The following KCNV2 variants were observed in gnomAD, a reference collection of about 807,000 sequenced individuals.
The protein encoded by KCNV2 is potassium voltage-gated channel subfamily V member 2.
Under a neutral mutation model 37.0 loss-of-function variants are expected in KCNV2, and 65 were observed. That is an observed-to-expected ratio of 1.76 (90% CI 1.44 to 2.16). KCNV2 has a LOEUF of 2.16. Ranked by LOEUF, KCNV2 falls within the 30% of genes most tolerant of loss-of-function variation. The pLI, the probability that KCNV2 is intolerant of heterozygous loss-of-function variation, is 0.00. For synonymous variants in KCNV2, 518 were observed against 328.6 expected (o/e 1.58, Z -6.23); for missense variants, 1,232 against 766.7 (o/e 1.61, Z -7.17).
intron 1 of KCNV2, among the ~76,000 whole-genome samples, chr9:2,726,648 C>G (rs1199551395): frequency 6.6e-6 from 1 of 152,152 alleles, no homozygotes; most frequent in Non-Finnish European, 1.5e-5. Flanking sequence ...TTGTTTCCTC[C>G]AAGGCCTCTG....
At position 2,718,507 on chromosome 9, in the gene KCNV2, G is replaced by A. The variant is rs1178684787; in HGVS notation, c.768G>A (p.Ser256=). The A allele has an allele frequency of 2.5e-6, 4 of 1,610,584 alleles. No individual in the cohort carries two copies. The highest frequency in any genetic ancestry group is 8.5e-7 in the Non-Finnish European group (1 of 1,179,032). Residue 256 remains serine (S), a synonymous_variant, in exon 1 of 2, where the codon TCG becomes TCA. Transcript: ENST00000382082. ...LWNLMEKPFS[S]VAAKAIGVAS... The stretch of plus-strand genomic sequence containing the variant: ...ACCTCATGGAGAAGCCATTCTCCTC[G>A]GTGGCCGCCAAGGCCATCGGGGTGG...
At chr9:2,723,761 C>T (rs1007022) in intron 1 of KCNV2, among the ~76,000 whole-genome samples, 4 of 152,050 alleles carry the variant, frequency 2.6e-5, no homozygotes, top group South Asian at 2.1e-4. Flanking sequence ...ATAAAACATA[C>T]GAGAAGGTCA....
chr9:2,718,126 C>T lies in KCNV2; in HGVS notation c.387C>T (p.Ser129=). ...PKTRLGRLAT[S]TSRSRQLSLC... ...CGCGCCTAGGTCGCCTGGCCACCTC[C>T]ACCAGCCGCAGCCGCCAGCTAAGCC... The change falls in exon 1 of 2, where the codon TCC becomes TCT. Residue 129 remains serine (S), a synonymous_variant. Coordinates refer to ENST00000382082, the MANE Select transcript of KCNV2 (RefSeq NM_133497.4). 1 of 1,604,976 alleles carries T rather than the reference C, an allele frequency of 6.2e-7. No individual in the cohort carries two copies. Among genetic ancestry groups the T allele is most frequent in the Non-Finnish European group, 8.5e-7 (1 of 1,176,134 alleles).
intron 1 of KCNV2, among the ~76,000 whole-genome samples, chr9:2,725,634 G>A (rs376043006): frequency 3.3e-5 from 5 of 152,272 alleles, no homozygotes; most frequent in African/African-American, 1.2e-4. Flanking sequence ...AACACGTATT[G>A]AGGCTTATAA....
rs567658734 is a variant in KCNV2, at chr9:2,722,519, TAA to T, written c.1356+3427_1356+3428del. On this transcript the variant is annotated intron_variant, in intron 1 of 1. Transcript: ENST00000382082. ...TATTTATAAATAAGTTATTTATAAA[TAA>T]AAGTTATTTATAAATAAATTAGAAG... Among the ~76,000 whole-genome samples the T allele has an allele frequency of 2.3e-3, 300 of 130,712 alleles. 36 individuals carry two copies. Among genetic ancestry groups the T allele is most frequent in the African/African-American group, 9.4e-3 (258 of 27,500 alleles). 85.8% of individuals were successfully genotyped at this position (130,712 alleles called of 152,430 possible).
chr9:2,729,680 T>C lies in KCNV2; in HGVS notation c.1591T>C (p.Cys531Arg). ...GAGAGCCAGAAAGAAGATAGCTGAGTGTTTGCTTGGAAGCAACCCACAGCT... is the reference window on the plus strand; with the variant it reads ...GAGAGCCAGAAAGAAGATAGCTGAGCGTTTGCTTGGAAGCAACCCACAGCT... ...MQRARKKIAE[C>R]LLGSNPQLTP... The change falls in exon 2 of 2, where the codon TGT (cysteine) becomes CGT (arginine). Residue 531 changes from cysteine to arginine, a missense_variant. Transcript: ENST00000382082. 1.9e-6 allele frequency: 3 copies of C among 1,614,072 alleles called. No homozygotes were observed. The highest frequency in any genetic ancestry group is 1.3e-5 in the African/African-American group (1 of 75,010).
chr9:2,725,214 C>T (rs967357645), intron 1 of KCNV2, among the ~76,000 whole-genome samples: 2 of 152,184 alleles, frequency 1.3e-5, no homozygotes, highest in Non-Finnish European at 2.9e-5. Context: ...TTTAGCTGTG[C>T]ACACCTACCG....
intron 1 of KCNV2, 39 bp downstream of exon 1, chr9:2,719,134 C>T (rs1209011660): frequency 3.8e-6 from 6 of 1,599,408 alleles, no homozygotes; most frequent in Non-Finnish European, 4.2e-6. Flanking sequence ...TCCTCTTCCC[C>T]AGCCCAGTGA....
chr9:2,721,538 A>G (rs1819868327), intron 1 of KCNV2, among the ~76,000 whole-genome samples: 1 of 152,216 alleles, frequency 6.6e-6, no homozygotes, highest in South Asian at 2.1e-4. Context: ...GAAACAAAAC[A>G]TTAGGACCAA....
At chr9:2,723,610 G>C (rs1399301344) in intron 1 of KCNV2, among the ~76,000 whole-genome samples, 1 of 152,212 alleles carries the variant, frequency 6.6e-6, no homozygotes, top group Non-Finnish European at 1.5e-5. Context: ...CCTATAGTAA[G>C]TCTGCAATAA....
chr9:2,727,790 G>T (rs1165582683), intron 1 of KCNV2, among the ~76,000 whole-genome samples: 1 of 152,086 alleles, frequency 6.6e-6, no homozygotes, highest in East Asian at 1.9e-4. Flanking sequence ...AACTCTGTGA[G>T]GTAGATACCA....
At chr9:2,729,246 C>G (rs1820021146) in intron 1 of KCNV2, among the ~76,000 whole-genome samples, 200 bp from the exon 2 acceptor site, 1 of 152,166 alleles carries the variant, frequency 6.6e-6, no homozygotes. Context: ...TCTTTCAGCT[C>G]CATCCATAGC....
chr9:2,720,190 A>G (rs1247286357), intron 1 of KCNV2, among the ~76,000 whole-genome samples: 2 of 152,236 alleles, frequency 1.3e-5, no homozygotes, highest in Non-Finnish European at 2.9e-5. Flanking sequence ...TGCACTTCTG[A>G]GACAAACCAA....
At position 2,718,230 on chromosome 9, in the gene KCNV2, T is replaced by C. The variant is rs397514604; in HGVS notation, c.491T>C (p.Phe164Ser). The change falls in exon 1 of 2, where the codon TTC (phenylalanine) becomes TCC (serine). Residue 164 changes from phenylalanine to serine, a missense_variant. Physicochemically the swap from Phe to Ser is radical, Grantham distance 155. Coordinates refer to ENST00000382082, the MANE Select transcript of KCNV2 (RefSeq NM_133497.4). ...DPAVFQLVYNFYLSGVLLVLD... is the reference protein window; with the variant it reads ...DPAVFQLVYNSYLSGVLLVLD... The stretch of plus-strand genomic sequence containing the variant: ...GCCGTCTTCCAGCTGGTCTACAATT[T>C]CTACCTGTCCGGGGTGCTGCTGGTG... 2.2e-5 allele frequency: 35 copies of C among 1,613,490 alleles called. No homozygotes were observed. Among genetic ancestry groups the C allele is most frequent in the Non-Finnish European group, 2.9e-5 (34 of 1,179,938 alleles).
Position 2,718,331 on chromosome 9 carries a change from T to G in KCNV2, c.592T>G (p.Cys198Gly), listed in dbSNP as rs779474861. 1.9e-6 allele frequency: 3 copies of G among 1,603,728 alleles called. No individual in the cohort carries two copies. The African/African-American group carries it at 4.0e-5, about 21-fold the overall frequency. Residue 198 changes from cysteine to glycine, a missense_variant, in exon 1 of 2, where the codon TGC (cysteine) becomes GGC (glycine). Cys to Gly is a radical substitution (Grantham distance 159). Transcript: ENST00000382082. Reference protein sequence around the residue: ...WGVRLKYTPRCCRICFEERRD... With the variant: ...WGVRLKYTPRGCRICFEERRD... Reference sequence around the variant, plus strand: ...CGTGCGGCTCAAGTACACGCCACGCTGCTGCCGCATCTGCTTCGAGGAGCG... The same window carrying G: ...CGTGCGGCTCAAGTACACGCCACGCGGCTGCCGCATCTGCTTCGAGGAGCG...
Position 2,722,134 on chromosome 9 carries a change from TATAAATAAATTAGAAGTTATTTATAA to T in KCNV2, c.1356+3046_1356+3071del, listed in dbSNP as rs1456124233. On this transcript the variant is annotated intron_variant, in intron 1 of 1. Transcript: ENST00000382082. ...ATTTATAAATAAATTAGAAGTTATTTATAAATAAATTAGAAGTTATTTATAAATAAATTAGAAGTTATTTATAAATA... is the reference window on the plus strand; with the variant it reads ...ATTTATAAATAAATTAGAAGTTATTTATAAATTAGAAGTTATTTATAAATA... 6.4e-5 allele frequency among the ~76,000 whole-genome samples: 9 copies of T among 141,056 alleles called. 2 individuals are homozygous for T. Among genetic ancestry groups the T allele is most frequent in the African/African-American group, 2.5e-4 (9 of 36,602 alleles). The allele number at this position is 141,056 out of a possible 152,430, so 92.5% of individuals were successfully genotyped here. A position where few individuals can be genotyped will look rare whatever the true frequency, so the allele number is the denominator to read the frequency against.
At position 2,722,258 on chromosome 9, in the gene KCNV2, C is replaced by T. The variant is rs111216821; in HGVS notation, c.1356+3163C>T. Among the ~76,000 whole-genome samples the T allele has an allele frequency of 4.7e-3, 555 of 117,292 alleles. 20 individuals are homozygous for T. The highest frequency in any genetic ancestry group is 0.022 in the African/African-American group (498 of 22,562). 76.9% of individuals were successfully genotyped at this position (117,292 alleles called of 152,430 possible). A position where few individuals can be genotyped will look rare whatever the true frequency, so the allele number is the denominator to read the frequency against. ...AAATAAATTAGAAGTTATTTATTTA[C>T]AAATTAGAAGTTATTTATTTACAAA... On this transcript the variant is annotated intron_variant, in intron 1 of 1. Transcript: ENST00000382082.
rs141881396 is a variant in KCNV2 at position 2,718,887 on chromosome 9, G to T, written c.1148G>T (p.Arg383Leu). The T allele has an allele frequency of 6.9e-4, 1,104 of 1,608,700 alleles. No homozygotes were observed. Among genetic ancestry groups the T allele is most frequent in the Non-Finnish European group, 8.7e-4 (1,028 of 1,179,992 alleles). ...GTGTTGCGCGTCATGCGCCTCATGCGCATCTTCCGCATCCTCAAGCTGGCG... is the reference window on the plus strand; with the variant it reads ...GTGTTGCGCGTCATGCGCCTCATGCTCATCTTCCGCATCCTCAAGCTGGCG... ...GQVLRVMRLM[R>L]IFRILKLARH... is the part of the protein sequence containing the mutation. Residue 383 changes from arginine to leucine, a missense_variant, in exon 1 of 2, where the codon CGC (arginine) becomes CTC (leucine). Transcript: ENST00000382082.
chr9:2,721,065 C>T (rs769967016), intron 1 of KCNV2, among the ~76,000 whole-genome samples: 2 of 152,090 alleles, frequency 1.3e-5, no homozygotes, highest in Non-Finnish European at 2.9e-5. Context: ...AATTGAATCA[C>T]CAGTTTTTGC....
Sources: allele counts gnomAD v4.1 joint callset (sites outside exome capture counted in the v4.1 genomes callset), GRCh38; gene constraint gnomAD v4.1.1; transcripts MANE v1.5; gene names NCBI Gene and HGNC (gene_info 2026-07-23, HGNC 2026-07-21).